IGF1R: variants seen among roughly 807,000 people sequenced by gnomAD.
The protein encoded by IGF1R is insulin like growth factor 1 receptor, also known as insulin-like growth factor 1 receptor.
A neutral mutation model predicts 144.6 loss-of-function variants in IGF1R; 44 were observed. The ratio of observed to expected loss-of-function variants is 0.30; its 90% CI spans 0.24 to 0.39. IGF1R has a LOEUF of 0.39. Ranked by LOEUF, IGF1R falls within the 10% of genes least tolerant of loss-of-function variation. The pLI is 1.00. For synonymous variants in IGF1R, 795 were observed against 722.8 expected (o/e 1.10, Z -1.60); for missense variants, 1,355 against 1,833.7 (o/e 0.74, Z 4.77).
intron 2 of IGF1R, among the ~76,000 whole-genome samples, chr15:98,770,273 C>T (rs891039577): frequency 1.3e-5 from 2 of 152,036 alleles, no homozygotes; most frequent in Non-Finnish European, 2.9e-5. Flanking sequence ...CTCACGTATA[C>T]GTGGGAGCAA....
At chr15:98,733,193 G>T (rs1233061219) in intron 2 of IGF1R, among the ~76,000 whole-genome samples, 1 of 152,138 alleles carries the variant, frequency 6.6e-6, no homozygotes, top group Admixed American at 6.5e-5. Flanking sequence ...TCCAATAAAA[G>T]GGGTTGTTTT....
intron 1 of IGF1R, 89 bp downstream of exon 1, chr15:98,649,764 C>G: frequency 1.0e-6 from 1 of 994,538 alleles, no homozygotes; most frequent in Non-Finnish European, 1.6e-6. Context: ...TTGCCACCGT[C>G]GCAGCTGTCG....
chr15:98,790,722 A>G (rs1221597176), intron 2 of IGF1R, among the ~76,000 whole-genome samples: 1 of 152,234 alleles, frequency 6.6e-6, no homozygotes, highest in Non-Finnish European at 1.5e-5. Context: ...AATTAACGGC[A>G]TTAGAACTGA....
chr15:98,862,406 A>T (rs893430317), intron 2 of IGF1R, among the ~76,000 whole-genome samples: 1 of 152,228 alleles, frequency 6.6e-6, no homozygotes, highest in African/African-American at 2.4e-5. Context: ...CTGGAAGACA[A>T]ATCTAAGCTA....
In IGF1R at chr15:98,853,666, G is replaced by C. The variant is rs1200478948; in HGVS notation, c.641-37659G>C. Among the ~76,000 whole-genome samples the C allele has an allele frequency of 3.3e-5, 5 of 152,304 alleles. No homozygotes were observed. In the East Asian group the frequency reaches 7.7e-4, roughly 23 times the overall value. ...GGAGTGGAGGATAAGCCTCCCTCCT[G>C]CGATTCTGAATTGCTTTTTGGTTTG... is the stretch of plus-strand genomic sequence containing the variant. On this transcript the variant is annotated intron_variant, in intron 2 of 20. Transcript: ENST00000650285.
intron 1 of IGF1R, among the ~76,000 whole-genome samples, chr15:98,701,443 TCTC>T (rs1026542479): frequency 7.4e-4 from 111 of 149,112 alleles, no homozygotes; most frequent in African/African-American, 2.7e-3. Context: ...TTCATGCCAT[TCTC>T]CTGCCTCAGC....
In IGF1R at chr15:98,891,419, C is replaced by T; in HGVS notation, c.735C>T (p.Asp245=). 1 of 1,613,754 alleles carries T rather than the reference C, an allele frequency of 6.2e-7. No homozygotes were observed. The highest frequency in any genetic ancestry group is 8.5e-7 in the Non-Finnish European group (1 of 1,180,028). The part of the protein sequence containing the change: ...CLGSCSAPDN[D]TACVACRHYY... Reference sequence around the variant, plus strand: ...GCAGCTGCAGCGCGCCTGACAACGACACGGCCTGTGTAGCTTGCCGCCACT... The same window carrying T: ...GCAGCTGCAGCGCGCCTGACAACGATACGGCCTGTGTAGCTTGCCGCCACT... The change falls in exon 3 of 21, where the codon GAC becomes GAT. Residue 245 remains aspartate (D), a synonymous_variant. Coordinates refer to ENST00000650285, the MANE Select transcript of IGF1R (RefSeq NM_000875.5). The surrounding 1 kb of genome is among the most constrained non-coding windows in gnomAD (Gnocchi z 4.7).
intron 10 of IGF1R, among the ~76,000 whole-genome samples, chr15:98,919,500 T>C (rs1424549040): frequency 6.6e-6 from 1 of 152,198 alleles, no homozygotes; most frequent in African/African-American, 2.4e-5. Flanking sequence ...TTTTTTCTCA[T>C]CAGATGTGGA....
At chr15:98,664,715 C>T (rs572390076) in intron 1 of IGF1R, among the ~76,000 whole-genome samples, 2 of 149,524 alleles carry the variant, frequency 1.3e-5, no homozygotes, top group South Asian at 4.2e-4. Context: ...AAAAGTGTCA[C>T]CCATCTTGGA....
At chr15:98,919,476 G>C (rs1344542577) in intron 10 of IGF1R, among the ~76,000 whole-genome samples, 1 of 152,194 alleles carries the variant, frequency 6.6e-6, no homozygotes, top group Non-Finnish European at 1.5e-5. Context: ...TTGTAGTTAC[G>C]AGGCAAGACC....
intron 1 of IGF1R, among the ~76,000 whole-genome samples, chr15:98,671,819 A>G (rs765378348): frequency 4.6e-5 from 7 of 152,176 alleles, no homozygotes; most frequent in Non-Finnish European, 1.0e-4. Context: ...CAGAAGTTCT[A>G]CTTCCTGTTG....
At chr15:98,806,458 C>G (rs1294471486) in intron 2 of IGF1R, among the ~76,000 whole-genome samples, 2 of 151,870 alleles carry the variant, frequency 1.3e-5, no homozygotes, top group Admixed American at 6.6e-5. Context: ...AAAGTGCCTT[C>G]ACTCCCATCC....
chr15:98,759,946 AT>A (rs2055251166), intron 2 of IGF1R, among the ~76,000 whole-genome samples: 2 of 152,184 alleles, frequency 1.3e-5, no homozygotes, highest in Non-Finnish European at 2.9e-5. Context: ...GATGACCAGT[AT>A]TTGCAGACAG....
chr15:98,705,529 CTCTG>C (rs927619793), intron 1 of IGF1R, among the ~76,000 whole-genome samples: 17 of 152,276 alleles, frequency 1.1e-4, no homozygotes, highest in Admixed American at 1.0e-3. Flanking sequence ...CTATTCTTTT[CTCTG>C]TCTTAGGGGT....
intron 1 of IGF1R, among the ~76,000 whole-genome samples, chr15:98,681,092 CAAT>C (rs1157571366): frequency 1.3e-5 from 2 of 152,092 alleles, no homozygotes; most frequent in African/African-American, 4.8e-5. Context: ...TCTGATCACA[CAAT>C]GATGAAATCA....
At chr15:98,731,619 G>A (rs991475677) in intron 2 of IGF1R, among the ~76,000 whole-genome samples, 3 of 152,178 alleles carry the variant, frequency 2.0e-5, no homozygotes, top group African/African-American at 2.4e-5. Context: ...GGCACAAAGC[G>A]TATCCCATTT....
intron 8 of IGF1R, among the ~76,000 whole-genome samples, chr15:98,913,573 C>T (rs888822234): frequency 2.6e-5 from 4 of 152,214 alleles, no homozygotes; most frequent in African/African-American, 9.7e-5. Context: ...AAACAGCCGT[C>T]TTCAGCTGCC....
intron 1 of IGF1R, among the ~76,000 whole-genome samples, chr15:98,692,652 A>G (rs2053504409): frequency 6.6e-6 from 1 of 152,230 alleles, no homozygotes; most frequent in Non-Finnish European, 1.5e-5. Flanking sequence ...TCTCATTAAC[A>G]ATATAAACAA....
At chr15:98,924,462 T>C (rs1378787230) in intron 12 of IGF1R, 63 bp from the exon 13 acceptor site, 36 of 1,541,444 alleles carry the variant, frequency 2.3e-5, no homozygotes, top group Non-Finnish European at 3.1e-5. Context: ...GTGAGTTTAG[T>C]TGGCAGGCCC....
Sources: allele counts gnomAD v4.1 joint callset (sites outside exome capture counted in the v4.1 genomes callset), GRCh38; gene constraint gnomAD v4.1.1; non-coding constraint Gnocchi (gnomAD v3.1); transcripts MANE v1.5; gene names NCBI Gene and HGNC (gene_info 2026-07-23, HGNC 2026-07-21).